Variants in ARID1A observed in about 807,000 individuals in gnomAD.
ARID1A encodes the protein AT-rich interaction domain 1A, also known as AT-rich interactive domain-containing protein 1A.
A neutral mutation model predicts 212.6 loss-of-function variants in ARID1A; 20 were observed. That is an observed-to-expected ratio of 0.09 (90% confidence interval 0.07 to 0.14). The LOEUF (loss-of-function observed/expected upper bound fraction) is 0.14, where lower values mean the gene tolerates loss of function less well. Ranked by LOEUF, ARID1A falls within the 10% of genes least tolerant of loss-of-function variation. The pLI, the probability that ARID1A is intolerant of heterozygous loss-of-function variation, is 1.00. For synonymous variants in ARID1A, 1,376 were observed against 1,222.1 expected, an observed-to-expected ratio of 1.13 and a Z score of -2.63; for missense variants, 2,587 against 3,059.0, an observed-to-expected ratio of 0.85 and a Z score of 3.64.
chr1:26,744,017 G>T (rs1298459828), intron 4 of ARID1A, among the ~76,000 whole-genome samples: 1 of 152,140 alleles, frequency 6.6e-6, no homozygotes, highest in African/African-American at 2.4e-5. Flanking sequence ...CCATGTATCT[G>T]TGCCTGCTCC....
intron 1 of ARID1A, among the ~76,000 whole-genome samples, chr1:26,713,361 AT>A (rs200403424): frequency 5.3e-3 from 730 of 137,846 alleles, no homozygotes; most frequent in Admixed American, 7.7e-3. Flanking sequence ...GTGAAGATTG[AT>A]TTTTTTTTTT....
intron 1 of ARID1A, among the ~76,000 whole-genome samples, chr1:26,725,263 A>G (rs1355058345): frequency 1.3e-5 from 2 of 152,088 alleles, no homozygotes; most frequent in African/African-American, 2.4e-5. Flanking sequence ...TGTATCTTGC[A>G]TGTAGGGATT....
At position 26,774,338 on chromosome 1, in the gene ARID1A, C is replaced by A. The variant is rs1040580192; in HGVS notation, c.4111C>A (p.Arg1371=). 1 of 1,535,794 alleles carries A rather than the reference C, an allele frequency of 6.5e-7. No individual in the cohort carries two copies. The highest frequency in any genetic ancestry group is 1.3e-5 in the South Asian group (1 of 78,836). ...CTTGTCTCTGCCTTAGAATTACAAG[C>A]GGCCAATGGATGGCACATATGGCCC... ...MYQQQQQNYK[R]PMDGTYGPPA... Residue 1371 remains arginine, a synonymous_variant, in exon 18 of 20, where the codon CGG becomes AGG. Coordinates refer to ENST00000324856, the MANE Select transcript of ARID1A (RefSeq NM_006015.6). This position sits in a 1 kb window ranked among gnomAD's most constrained non-coding sequence, Gnocchi z 5.6.
In ARID1A at chr1:26,732,657, T is replaced by C. The variant is rs1557593122; in HGVS notation, c.1804-19T>C. ...TTATCAATACCAGGCCATCACAGCT[T>C]TTGTTTTTCTTGTTGTAGGAGCTAT... On this transcript the variant is annotated intron_variant, in intron 3 of 19. Coordinates refer to ENST00000324856, the MANE Select transcript of ARID1A (RefSeq NM_006015.6). 2 of 1,584,268 alleles carry C rather than the reference T, an allele frequency of 1.3e-6. No homozygotes were observed. Among genetic ancestry groups the C allele is most frequent in the Admixed American group, 1.7e-5 (1 of 59,932 alleles).
intron 4 of ARID1A, among the ~76,000 whole-genome samples, chr1:26,738,054 C>T (rs1271162997): frequency 6.0e-5 from 9 of 150,982 alleles, no homozygotes; most frequent in Non-Finnish European, 1.2e-4. Context: ...GATGGAGTCT[C>T]ACTCTGTCAC....
chr1:26,733,863 A>G (rs969777921), intron 4 of ARID1A, among the ~76,000 whole-genome samples: 8 of 152,226 alleles, frequency 5.3e-5, no homozygotes, highest in African/African-American at 1.7e-4. Flanking sequence ...AAATGGTTTC[A>G]GGATCTCTAA....
chr1:26,711,870 C>T (rs888901579), intron 1 of ARID1A, among the ~76,000 whole-genome samples: 13 of 152,024 alleles, frequency 8.6e-5, no homozygotes, highest in African/African-American at 3.1e-4. Context: ...ATTGCTTGAG[C>T]CCAGGAGTTC....
intron 1 of ARID1A, among the ~76,000 whole-genome samples, chr1:26,721,744 T>C (rs2080567172): frequency 6.6e-6 from 1 of 152,190 alleles, no homozygotes; most frequent in South Asian, 2.1e-4. Context: ...TTTGTTGGGA[T>C]TCATTAGTTT....
At position 26,762,977 on chromosome 1, in the gene ARID1A, C is replaced by T. The variant is rs2124067549; in HGVS notation, c.2424C>T (p.Gly808=). The stretch of plus-strand genomic sequence containing the variant: ...CTTGTCTTCCTCCCCTCCCAGGTGG[C>T]TACCCCAGGCAGCCAAACTATAATG... ...PQGGQYGPQG[G]YPRQPNYNAL... The change falls in exon 8 of 20, where the codon GGC becomes GGT. Residue 808 remains glycine (G), a synonymous_variant. Transcript: ENST00000324856. 1 of 1,581,816 alleles carries T rather than the reference C, an allele frequency of 6.3e-7. No homozygotes were observed. The highest frequency in any genetic ancestry group is 8.7e-7 in the Non-Finnish European group (1 of 1,155,688).
rs773788829 is a variant in ARID1A at position 26,731,133 on chromosome 1, A to G, written c.1351-19A>G. The G allele has an allele frequency of 4.4e-6, 7 of 1,605,548 alleles. No individual in the cohort carries two copies. Among genetic ancestry groups the G allele is most frequent in the Non-Finnish European group, 6.0e-6 (7 of 1,172,442 alleles). On this transcript the variant is annotated intron_variant, in intron 2 of 19. Coordinates refer to ENST00000324856, the MANE Select transcript of ARID1A (RefSeq NM_006015.6). ...ATGCAGGAGAGTCAGTGCTAAAAGT[A>G]TATTTTCCTTTCCTACAGATTCCTC...
intron 10 of ARID1A, among the ~76,000 whole-genome samples, chr1:26,766,976 C>T (rs772707333): frequency 2.6e-5 from 4 of 152,126 alleles, no homozygotes; most frequent in Admixed American, 6.5e-5. Context: ...GAATGGTACC[C>T]TGTGTTCTGT....
intron 1 of ARID1A, among the ~76,000 whole-genome samples, chr1:26,707,502 C>T (rs1335174319): frequency 4.0e-5 from 6 of 151,574 alleles, no homozygotes; most frequent in African/African-American, 4.9e-5. Context: ...CCACCACGCC[C>T]GGCCTAATGT....
chr1:26,709,328 C>A (rs1033508818), intron 1 of ARID1A, among the ~76,000 whole-genome samples: 1 of 152,100 alleles, frequency 6.6e-6, no homozygotes, highest in Non-Finnish European at 1.5e-5. Flanking sequence ...GAGTTGATAC[C>A]ACTATTCCCA....
At chr1:26,716,340 C>T (rs2080502838) in intron 1 of ARID1A, among the ~76,000 whole-genome samples, 2 of 152,136 alleles carry the variant, frequency 1.3e-5, no homozygotes, top group Admixed American at 6.5e-5. Context: ...ATTCATAATT[C>T]CTGCCTCCAT....
At chr1:26,753,699 C>G (rs1397633414) in intron 4 of ARID1A, among the ~76,000 whole-genome samples, 1 of 152,200 alleles carries the variant, frequency 6.6e-6, no homozygotes, top group Non-Finnish European at 1.5e-5. Flanking sequence ...GGAGAACAAA[C>G]CCGGGAAAAG....
rs2124143808 is a variant in ARID1A at position 26,779,786 on chromosome 1, A to G, written c.5888A>G (p.Asp1963Gly). Residue 1963 changes from aspartate to glycine, a missense_variant, in exon 20 of 20, where the codon GAT becomes GGT. Around this residue, in one of 11 missense-constraint regions of ARID1A, gnomAD observed 168 missense variants for 321.0 expected, o/e 0.52. Transcript: ENST00000324856. The part of the protein sequence containing the change: ...KILEDEPHSK[D>G]ETPLCTLLDW... ...CTAGAGGACGAACCCCACAGTAAGG[A>G]TGAGACCCCACTGTGTACCCTTCTG... 3.7e-6 allele frequency: 6 copies of G among 1,614,146 alleles called. No individual in the cohort carries two copies. The highest frequency in any genetic ancestry group is 5.1e-6 in the Non-Finnish European group (6 of 1,180,024).
chr1:26,712,962 C>T (rs2080467699), intron 1 of ARID1A, among the ~76,000 whole-genome samples: 1 of 152,176 alleles, frequency 6.6e-6, no homozygotes, highest in Admixed American at 6.5e-5. Flanking sequence ...TCTGTCCTTC[C>T]CATTAAAAAC....
At chr1:26,724,666 G>C (rs1386727571) in intron 1 of ARID1A, among the ~76,000 whole-genome samples, 1 of 152,170 alleles carries the variant, frequency 6.6e-6, no homozygotes, top group Non-Finnish European at 1.5e-5. Flanking sequence ...TGTTATTTCA[G>C]CCGTTTTTGG....
intron 5 of ARID1A, 89 bp from the exon 6 acceptor site, chr1:26,761,295 A>G: frequency 2.0e-6 from 3 of 1,533,250 alleles, no homozygotes; most frequent in Non-Finnish European, 2.7e-6. Context: ...TGGCCTCTTC[A>G]TGAGCCATTT....
Sources: gnomAD v4.1 joint callset for allele counts (sites outside exome capture counted in the v4.1 genomes callset) on GRCh38, gnomAD v4.1.1 for gene constraint, gnomAD v4.1.1 regional missense constraint, Gnocchi (gnomAD v3.1) non-coding constraint, MANE v1.5 for transcripts, NCBI Gene and HGNC (gene_info 2026-07-23, HGNC 2026-07-21) for gene names.